MAF: variants seen among roughly 807,000 people sequenced by gnomAD.
MAF encodes the protein MAF bZIP transcription factor, also known as transcription factor Maf.
A neutral mutation model predicts 22.0 loss-of-function variants in MAF; 10 were observed. The observed-to-expected ratio is 0.45, with a 90% CI of 0.28 to 0.77. The LOEUF is 0.77. Among genes scored for constraint, MAF ranks in the 30% least tolerant of loss-of-function variants. MAF has a pLI of 0.12. For synonymous variants in MAF, 337 were observed against 255.8 expected, an observed-to-expected ratio of 1.32 and a Z score of -3.03; for missense variants, 544 against 548.4, an observed-to-expected ratio of 0.99 and a Z score of 0.08.
chr16:79,438,082 G>C, the MAF span, among the ~76,000 whole-genome samples: 1 of 152,152 alleles, frequency 6.6e-6, no homozygotes, highest in African/African-American at 2.4e-5. Flanking sequence ...GGTCTGAGCA[G>C]GCTTTAGAAA....
chr16:79,448,305 C>T, the MAF span, among the ~76,000 whole-genome samples: 1 of 151,950 alleles, frequency 6.6e-6, no homozygotes, highest in Non-Finnish European at 1.5e-5. Flanking sequence ...AGTCAGCAGC[C>T]ATCGGAATAG....
At chr16:79,567,469 G>A in the MAF span, among the ~76,000 whole-genome samples, 3 of 152,064 alleles carry the variant, frequency 2.0e-5, no homozygotes, top group African/African-American at 2.4e-5. Context: ...ACAAGGCAAG[G>A]GATTTTTTTG....
At chr16:79,356,259 A>G in the MAF span, among the ~76,000 whole-genome samples, 10 of 152,202 alleles carry the variant, frequency 6.6e-5, no homozygotes, top group African/African-American at 2.4e-4. Flanking sequence ...CTGCCATCAC[A>G]CATGCGACAC....
the MAF span, among the ~76,000 whole-genome samples, chr16:79,335,650 G>C: frequency 1.3e-5 from 2 of 152,178 alleles, no homozygotes; most frequent in African/African-American, 4.8e-5. Flanking sequence ...GCAGTGATGT[G>C]TCCCAGGCAG....
the MAF span, among the ~76,000 whole-genome samples, chr16:79,219,151 A>C: frequency 2.0e-5 from 3 of 152,212 alleles, no homozygotes; most frequent in East Asian, 5.8e-4. Context: ...AGAGTTACGC[A>C]AATAGAGGCT....
chr16:79,447,891 C>CAAAAAAAAAAAAAAAAAA, the MAF span, among the ~76,000 whole-genome samples: 7 of 72,578 alleles, frequency 9.6e-5, no homozygotes, highest in African/African-American at 4.6e-4. Context: ...GATTCCATCT[C>CAAAAAAAAAAAAAAAAAA]AAAAAAAAAA....
At chr16:79,366,749 G>T in the MAF span, among the ~76,000 whole-genome samples, 1 of 152,168 alleles carries the variant, frequency 6.6e-6, no homozygotes. Flanking sequence ...AGAAACGTAT[G>T]GTGCTAGAGA....
chr16:79,211,839 T>C, the MAF span: 2 of 1,612,116 alleles, frequency 1.2e-6, no homozygotes, highest in Non-Finnish European at 1.7e-6. Context: ...GCCCTGTGTG[T>C]GTCCCCTCAC....
At chr16:79,400,190 C>T in the MAF span, among the ~76,000 whole-genome samples, 2 of 152,160 alleles carry the variant, frequency 1.3e-5, no homozygotes, top group African/African-American at 4.8e-5. Context: ...CAGACCCCAC[C>T]ACAAAGAATG....
the MAF span, among the ~76,000 whole-genome samples, chr16:79,329,782 G>A: frequency 2.0e-5 from 3 of 152,000 alleles, no homozygotes; most frequent in Non-Finnish European, 4.4e-5. Context: ...ATTAAAACCA[G>A]TATGCCTTCT....
chr16:79,425,734 C>G, the MAF span, among the ~76,000 whole-genome samples: 1 of 151,154 alleles, frequency 6.6e-6, no homozygotes, highest in East Asian at 1.9e-4. Flanking sequence ...ACTGTGCTAG[C>G]TACATTCCTA....
At chr16:79,279,869 T>G in the MAF span, among the ~76,000 whole-genome samples, 2 of 152,180 alleles carry the variant, frequency 1.3e-5, no homozygotes, top group Non-Finnish European at 2.9e-5. Flanking sequence ...TTGGGGAAAG[T>G]CCAGCCTATT....
chr16:79,599,251 C>A lies in MAF; in HGVS notation c.652G>T (p.Gly218Cys). 1.0e-6 allele frequency: 1 copy of A among 978,472 alleles called. No homozygotes were observed. The highest frequency in any genetic ancestry group is 4.7e-5 in the South Asian group (1 of 21,246). The allele number at this position is 978,472 out of a possible 1,614,324, so 60.6% of individuals were successfully genotyped here. A position where few individuals can be genotyped will look rare whatever the true frequency, so the allele number is the denominator to read the frequency against. Residue 218 changes from glycine to cysteine, a missense_variant, in exon 1 of 2, where the codon GGC becomes TGC. Physicochemically the swap from Gly to Cys is radical, Grantham distance 159 (BLOSUM62 -3). This residue lies in a region of MAF where 342 missense variants were observed against 315.5 expected (regional missense o/e 1.08). Coordinates refer to ENST00000326043, the MANE Select transcript of MAF (RefSeq NM_005360.5). ...CCCCCAGCGCTGGCCGGGCCACCGCCGCCCGCGCCCCCAGCGCCACCGGCC... is the reference window on the plus strand; with the variant it reads ...CCCCCAGCGCTGGCCGGGCCACCGCAGCCCGCGCCCCCAGCGCCACCGGCC... ...ASAGGAGGAG[G>C]GGPASAGGGG...
chr16:79,287,217 A>G, the MAF span, among the ~76,000 whole-genome samples: 1 of 150,950 alleles, frequency 6.6e-6, no homozygotes, highest in Non-Finnish European at 1.5e-5. Context: ...TGCAGTTTCA[A>G]TTGGATATGG....
the MAF span, among the ~76,000 whole-genome samples, chr16:79,230,157 T>C: frequency 6.6e-6 from 1 of 152,110 alleles, no homozygotes; most frequent in Non-Finnish European, 1.5e-5. Flanking sequence ...GAGAAACATT[T>C]CTGGTTCTTA....
chr16:79,515,188 A>G, the MAF span, among the ~76,000 whole-genome samples: 1,798 of 152,290 alleles, frequency 0.012, 35 homozygotes, highest in African/African-American at 0.042. Flanking sequence ...ATTTTTCGCC[A>G]TTGTCATTGT....
At chr16:79,218,497 C>A in the MAF span, among the ~76,000 whole-genome samples, 1 of 152,184 alleles carries the variant, frequency 6.6e-6, no homozygotes, top group Non-Finnish European at 1.5e-5. Flanking sequence ...CTCCTACTGG[C>A]CTTTGCCACA....
chr16:79,474,154 T>C, the MAF span, among the ~76,000 whole-genome samples: 5 of 152,256 alleles, frequency 3.3e-5, no homozygotes, highest in African/African-American at 9.6e-5. Flanking sequence ...AGGGATAACC[T>C]AGAATTATTT....
At chr16:79,310,208 G>A in the MAF span, among the ~76,000 whole-genome samples, 1 of 152,168 alleles carries the variant, frequency 6.6e-6, no homozygotes, top group Non-Finnish European at 1.5e-5. Context: ...CCCTGACTTG[G>A]TGCACGCACG....
Sources: allele counts gnomAD v4.1 joint callset (sites outside exome capture counted in the v4.1 genomes callset), GRCh38; gene constraint gnomAD v4.1.1; regional missense constraint gnomAD v4.1.1; transcripts MANE v1.5; gene names NCBI Gene and HGNC (gene_info 2026-07-23, HGNC 2026-07-21).